The following CLEC17A variants were observed in gnomAD, a reference collection of about 807,000 sequenced individuals.
CLEC17A encodes C-type lectin domain containing 17A.
A neutral mutation model predicts 61.3 loss-of-function variants in CLEC17A; 37 were observed. The ratio of observed to expected loss-of-function variants is 0.60; its 90% CI spans 0.46 to 0.79. The LOEUF is 0.79. CLEC17A is among the 30% of genes least tolerant of loss of function. The pLI, the probability that CLEC17A is intolerant of heterozygous loss-of-function variation, is 0.00. For missense variants in CLEC17A, 418 were observed against 464.7 expected (o/e 0.90, Z 0.92); for synonymous variants, 168 against 164.9 (o/e 1.02, Z -0.14).
At chr19:14,585,450 G>A (rs564739185) in intron 2 of CLEC17A, among the ~76,000 whole-genome samples, 3 of 152,288 alleles carry the variant, frequency 2.0e-5, no homozygotes, top group African/African-American at 7.2e-5. Flanking sequence ...TGACCCTTAC[G>A]TTCTCATATT....
chr19:14,585,295 G>A (rs370038771), intron 2 of CLEC17A, among the ~76,000 whole-genome samples: 69 of 152,250 alleles, frequency 4.5e-4, no homozygotes, highest in Non-Finnish European at 9.7e-4. Flanking sequence ...ACACCCTCCC[G>A]AGTAGCTGGG....
chr19:14,593,964 AAAACAAAC>A lies in CLEC17A; in HGVS notation c.278-529_278-522del, dbSNP rs542906170. Among the ~76,000 whole-genome samples, 868 of 146,890 alleles carry A rather than the reference AAAACAAAC, an allele frequency of 5.9e-3. 3 individuals are homozygous for A. Among genetic ancestry groups the A allele is most frequent in the South Asian group, 0.019 (88 of 4,754 alleles). ...GAGACAGAGAGAGACTCTGTCTCAT[AAAACAAAC>A]AAACAAACAAACAAACAAACAAAAA... On this transcript the variant is annotated intron_variant, in intron 4 of 13. Transcript: ENST00000417570.
In CLEC17A at chr19:14,610,353, A is replaced by G; in HGVS notation, c.*157A>G. On this transcript the variant is annotated 3_prime_UTR_variant, in exon 14 of 14. Transcript: ENST00000417570. ...GATGCAGCAAGTTCCCAGGGGTGCA[A>G]GTCAGGCTGTTTCTAGAGTGAGGAC... 2 of 1,022,004 alleles carry G rather than the reference A, an allele frequency of 2.0e-6. No individual in the cohort carries two copies. Among genetic ancestry groups the G allele is most frequent in the Non-Finnish European group, 2.8e-6 (2 of 712,076 alleles). The allele number at this position is 1,022,004 out of a possible 1,614,324, so 63.3% of individuals were successfully genotyped here.
At position 14,587,527 on chromosome 19, in the gene CLEC17A, T is replaced by C. The variant is rs1003717324; in HGVS notation, c.122-87T>C. 298 of 1,404,588 alleles carry C rather than the reference T, an allele frequency of 2.1e-4. No individual in the cohort carries two copies. In the Admixed American group the frequency reaches 2.3e-3, roughly 11 times the overall value. The allele number at this position is 1,404,588 out of a possible 1,614,324, so 87.0% of individuals were successfully genotyped here. A position where few individuals can be genotyped will look rare whatever the true frequency, so the allele number is the denominator to read the frequency against. ...CAAGATCCAGGGTACAGAATCCCCATCATGGGGCAGCTGAGGCAGAGACCA... is the reference window on the plus strand; with the variant it reads ...CAAGATCCAGGGTACAGAATCCCCACCATGGGGCAGCTGAGGCAGAGACCA... On this transcript the variant is annotated intron_variant, in intron 2 of 13. Transcript: ENST00000417570.
At chr19:14,596,354 G>A (rs1326883097) in intron 8 of CLEC17A, among the ~76,000 whole-genome samples, 1 of 152,122 alleles carries the variant, frequency 6.6e-6, no homozygotes, top group African/African-American at 2.4e-5. Context: ...TGTAGGTTGG[G>A]TACAGTGGCT....
chr19:14,589,656 T>A (rs1326502213), intron 3 of CLEC17A, among the ~76,000 whole-genome samples: 4 of 141,584 alleles, frequency 2.8e-5, no homozygotes, highest in Admixed American at 2.2e-4. Context: ...GGCCTGTAAG[T>A]TCTGCAGAGA....
chr19:14,605,937 A>C (rs1245520639), intron 12 of CLEC17A, among the ~76,000 whole-genome samples: 1 of 152,062 alleles, frequency 6.6e-6, no homozygotes, highest in African/African-American at 2.4e-5. Flanking sequence ...ATGGGGTCTC[A>C]GTATGTTGCC....
chr19:14,585,065 A>G (rs925908742), intron 2 of CLEC17A, among the ~76,000 whole-genome samples: 13 of 151,882 alleles, frequency 8.6e-5, no homozygotes, highest in African/African-American at 2.9e-4. Flanking sequence ...AATCCCCTCC[A>G]TCCCCTTCCA....
At chr19:14,608,464 G>A (rs547316092) in intron 13 of CLEC17A, among the ~76,000 whole-genome samples, 15 of 152,118 alleles carry the variant, frequency 9.9e-5, no homozygotes, top group African/African-American at 3.6e-4. Flanking sequence ...GGCCAGACAG[G>A]GACAGCACCA....
rs73504163 is a variant in CLEC17A, at chr19:14,604,295, A to T, written c.895-2698A>T. Among the ~76,000 whole-genome samples the T allele has an allele frequency of 5.0e-3, 763 of 152,022 alleles. 6 individuals are homozygous for T. Among genetic ancestry groups the T allele is most frequent in the African/African-American group, 0.017 (704 of 41,440 alleles). ...AAGCTCACCGGAAATGAGATACCAGATTCTTCTCTCTGGGGCCTGCCATGT... is the reference window on the plus strand; with the variant it reads ...AAGCTCACCGGAAATGAGATACCAGTTTCTTCTCTCTGGGGCCTGCCATGT... On this transcript the variant is annotated intron_variant, in intron 12 of 13. Transcript: ENST00000417570.
At chr19:14,592,879 T>C (rs1370751472) in intron 4 of CLEC17A, among the ~76,000 whole-genome samples, 2 of 152,094 alleles carry the variant, frequency 1.3e-5, no homozygotes, top group East Asian at 3.9e-4. Flanking sequence ...TTGGCCAGGA[T>C]GGTCTCAAAC....
intron 12 of CLEC17A, among the ~76,000 whole-genome samples, chr19:14,605,695 C>G (rs1320356202): frequency 6.6e-6 from 1 of 152,056 alleles, no homozygotes; most frequent in Non-Finnish European, 1.5e-5. Flanking sequence ...TCTTCCCTAT[C>G]TTTTATCTCT....
At chr19:14,581,795 G>C (rs540257419), upstream of CLEC17A, among the ~76,000 whole-genome samples, 2 of 151,964 alleles carry the variant, frequency 1.3e-5, no homozygotes, top group African/African-American at 4.8e-5. Flanking sequence ...TGGGATTACA[G>C]GTGCGCGCCA....
intron 8 of CLEC17A, 45 bp downstream of exon 8, chr19:14,595,360 G>T (rs1295654019): frequency 1.9e-6 from 3 of 1,605,280 alleles, no homozygotes; most frequent in East Asian, 4.5e-5. Flanking sequence ...TAGTGTATCT[G>T]ATTGAGACCT....
At chr19:14,587,034 A>C (rs9305042) in intron 2 of CLEC17A, among the ~76,000 whole-genome samples, 1 of 151,094 alleles carries the variant, frequency 6.6e-6, no homozygotes, top group African/African-American at 2.4e-5. Context: ...GATTACAGGC[A>C]GGCACCACCA....
chr19:14,583,164 C>T lies in CLEC17A; in HGVS notation c.4C>T (p.His2Tyr). The T allele has an allele frequency of 6.2e-7, 1 of 1,614,024 alleles. No individual in the cohort carries two copies. Among genetic ancestry groups the T allele is most frequent in the South Asian group, 1.1e-5 (1 of 91,074 alleles). M[H>Y]NLYSITGYPD... ...TGTCAGGTTCCCTGTGCTAGACATG[C>T]ATAATCTGTATTCCATCACTGGGTA... Residue 2 changes from histidine to tyrosine, a missense_variant, in exon 1 of 14, where the codon CAT becomes TAT. Transcript: ENST00000417570.
chr19:14,601,603 A>G lies in CLEC17A; in HGVS notation c.894+1421A>G, dbSNP rs962658018. Among the ~76,000 whole-genome samples the G allele has an allele frequency of 3.3e-5, 5 of 151,998 alleles. No individual in the cohort carries two copies. The East Asian group carries it at 5.8e-4, about 18-fold the overall frequency. ...GTCTTGACCATAGACATAGGACTAT[A>G]GTATGGTTTATGTTTCCTTTTTTCT... On this transcript the variant is annotated intron_variant, in intron 12 of 13. Coordinates refer to ENST00000417570, the MANE Select transcript of CLEC17A (RefSeq NM_001204118.2).
At position 14,587,263 on chromosome 19, in the gene CLEC17A, T is replaced by TGTGTGTGTGTGTGTG. The variant is rs71733825; in HGVS notation, c.122-351_122-350insGTGTGTGTGTGTGTG. Among the ~76,000 whole-genome samples, 203 of 136,612 alleles carry TGTGTGTGTGTGTGTG rather than the reference T, an allele frequency of 1.5e-3. 2 individuals carry two copies. Among genetic ancestry groups the TGTGTGTGTGTGTGTG allele is most frequent in the African/African-American group, 5.1e-3 (178 of 34,602 alleles). 89.6% of individuals were successfully genotyped at this position (136,612 alleles called of 152,430 possible). On this transcript the variant is annotated intron_variant, in intron 2 of 13. Coordinates refer to ENST00000417570, the MANE Select transcript of CLEC17A (RefSeq NM_001204118.2). The stretch of plus-strand genomic sequence containing the variant: ...TGTGTGTGTGTGTGTGTGTGTGTGT[T>TGTGTGTGTGTGTGTG]TGTGTTTGTGTGAGGTCTGGGGGCT...
chr19:14,610,433 G>A lies in CLEC17A; in HGVS notation c.*237G>A, dbSNP rs910358397. On this transcript the variant is annotated 3_prime_UTR_variant, in exon 14 of 14. Coordinates refer to ENST00000417570, the MANE Select transcript of CLEC17A (RefSeq NM_001204118.2). ...GGAGGATGCTCAGAGCTTGGTGGTGGGAGGTCTCCCACTTCTGGGGTTGAA... is the reference window on the plus strand; with the variant it reads ...GGAGGATGCTCAGAGCTTGGTGGTGAGAGGTCTCCCACTTCTGGGGTTGAA... 54 of 545,502 alleles carry A rather than the reference G, an allele frequency of 9.9e-5. No homozygotes were observed. The highest frequency in any genetic ancestry group is 4.3e-5 in the South Asian group (2 of 46,874). The allele number at this position is 545,502 out of a possible 1,614,324, so 33.8% of individuals were successfully genotyped here. A position where few individuals can be genotyped will look rare whatever the true frequency, so the allele number is the denominator to read the frequency against.
Sources: allele counts gnomAD v4.1 joint callset (sites outside exome capture counted in the v4.1 genomes callset), GRCh38; gene constraint gnomAD v4.1.1; transcripts MANE v1.5; gene names NCBI Gene and HGNC (gene_info 2026-07-23, HGNC 2026-07-21).